The following EVI5 variants were observed in gnomAD, a reference collection of about 807,000 sequenced individuals.
EVI5 encodes ecotropic viral integration site 5 protein homolog.
A neutral mutation model predicts 112.0 loss-of-function variants in EVI5; 73 were observed. The ratio of observed to expected loss-of-function variants is 0.65; its 90% CI spans 0.54 to 0.79. EVI5 has a LOEUF of 0.79. Ranked by LOEUF, EVI5 falls within the 30% of genes least tolerant of loss-of-function variation. EVI5 has a pLI of 0.00. For synonymous variants in EVI5, 305 were observed against 319.9 expected, an observed-to-expected ratio of 0.95 and a Z score of 0.50; for missense variants, 900 against 968.8, an observed-to-expected ratio of 0.93 and a Z score of 0.94.
At chr1:92,668,778 C>T (rs992505716) in intron 10 of EVI5, among the ~76,000 whole-genome samples, 3 of 152,156 alleles carry the variant, frequency 2.0e-5, no homozygotes, top group Non-Finnish European at 2.9e-5. Flanking sequence ...GTTACTTTTA[C>T]GTTTCAAGTG....
chr1:92,767,178 T>C (rs1387437256), intron 1 of EVI5, among the ~76,000 whole-genome samples: 1 of 152,188 alleles, frequency 6.6e-6, no homozygotes, highest in Non-Finnish European at 1.5e-5. Flanking sequence ...TTGCCCAGTG[T>C]ATCCATACTG....
intron 18 of EVI5, among the ~76,000 whole-genome samples, chr1:92,594,955 A>G (rs1050271976): frequency 2.6e-5 from 4 of 152,234 alleles, no homozygotes; most frequent in Non-Finnish European, 5.9e-5. Flanking sequence ...GAACACTTGT[A>G]CACTGTTGGT....
chr1:92,677,272 A>G, intron 9 of EVI5, 54 bp from the exon 10 acceptor site: 1 of 978,214 alleles, frequency 1.0e-6, no homozygotes, highest in African/African-American at 1.7e-5. Context: ...AAAAGTAGTT[A>G]TTAAATTACA....
At chr1:92,687,620 A>G (rs1413356043) in intron 9 of EVI5, among the ~76,000 whole-genome samples, 1 of 152,236 alleles carries the variant, frequency 6.6e-6, no homozygotes, top group Non-Finnish European at 1.5e-5. Context: ...AGAATGGGAG[A>G]AAATCTTTGC....
chr1:92,733,056 TAA>T (rs777890381), intron 2 of EVI5: 6 of 177,360 alleles, frequency 3.4e-5, no homozygotes, highest in South Asian at 1.1e-4. Context: ...CCATTTTATT[TAA>T]AAAAAAAAAA....
At chr1:92,751,756 T>C (rs1680228675) in intron 1 of EVI5, among the ~76,000 whole-genome samples, 1 of 152,168 alleles carries the variant, frequency 6.6e-6, no homozygotes, top group African/African-American at 2.4e-5. Flanking sequence ...CTCCCGTCTG[T>C]AATCTCAGCA....
In EVI5 at chr1:92,596,948, C is replaced by T. The variant is rs576564905; in HGVS notation, c.2070+8359G>A. Among the ~76,000 whole-genome samples the T allele has an allele frequency of 1.7e-4, 26 of 152,094 alleles. No homozygotes were observed. The South Asian group carries it at 4.4e-3, about 26-fold the overall frequency. On this transcript the variant is annotated intron_variant, in intron 18 of 19. Transcript: ENST00000684568. ...ACATAAGGTCTACGAGCTGTTTTTCCGGATATTATGTAGGCAAGAAAGAAC... is the reference window on the plus strand; with the variant it reads ...ACATAAGGTCTACGAGCTGTTTTTCTGGATATTATGTAGGCAAGAAAGAAC...
At chr1:92,659,933 A>G (rs1182580202) in intron 13 of EVI5, among the ~76,000 whole-genome samples, 2 of 152,038 alleles carry the variant, frequency 1.3e-5, no homozygotes, top group Non-Finnish European at 1.5e-5. Flanking sequence ...TGTGTTTTGG[A>G]GCAACATGGA....
intron 10 of EVI5, among the ~76,000 whole-genome samples, chr1:92,668,727 T>C (rs548002782): frequency 6.6e-6 from 1 of 152,328 alleles, no homozygotes; most frequent in African/African-American, 2.4e-5. Flanking sequence ...ACATCAGGAA[T>C]TGATCAATAG....
chr1:92,727,365 G>A (rs913578519), intron 2 of EVI5, among the ~76,000 whole-genome samples: 2 of 152,050 alleles, frequency 1.3e-5, no homozygotes, highest in African/African-American at 4.8e-5. Flanking sequence ...ATCCATCCCT[G>A]CTAGATTTGC....
Position 92,636,267 on chromosome 1 carries a change from G to A in EVI5, c.1462C>T (p.Leu488=), listed in dbSNP as rs201168111. Residue 488 remains leucine, a synonymous_variant, in exon 14 of 20, where the codon CTG becomes TTG. Coordinates refer to ENST00000684568, the MANE Select transcript of EVI5 (RefSeq NM_001350197.2). The part of the protein sequence containing the change: ...QLEKELVQAR[L]SEAESQCALK... Reference sequence around the variant, plus strand: ...GCACACTGAGACTCAGCTTCACTCAGTCGGGCTTGGACCAATTCCTTCTCT... The same window carrying A: ...GCACACTGAGACTCAGCTTCACTCAATCGGGCTTGGACCAATTCCTTCTCT... The A allele has an allele frequency of 2.4e-5, 39 of 1,613,492 alleles. No homozygotes were observed. Among genetic ancestry groups the A allele is most frequent in the Non-Finnish European group, 3.1e-5 (37 of 1,179,606 alleles).
chr1:92,664,879 G>A (rs1229845266), intron 11 of EVI5, among the ~76,000 whole-genome samples: 2 of 152,182 alleles, frequency 1.3e-5, no homozygotes, highest in Non-Finnish European at 2.9e-5. Context: ...TGAGGGGTAT[G>A]TTTAAATCTA....
intron 3 of EVI5, chr1:92,704,039 G>A (rs1671607448): frequency 6.4e-6 from 1 of 155,870 alleles, no homozygotes; most frequent in South Asian, 2.0e-4. Context: ...AACAATTTTC[G>A]GGCCGGGTGT....
chr1:92,721,395 G>A (rs556575310), intron 2 of EVI5, among the ~76,000 whole-genome samples: 1 of 152,218 alleles, frequency 6.6e-6, no homozygotes, highest in East Asian at 1.9e-4. Context: ...GATAAAGCTG[G>A]AAACCATCAT....
chr1:92,709,416 G>A (rs1476519676), intron 2 of EVI5, among the ~76,000 whole-genome samples: 4 of 151,936 alleles, frequency 2.6e-5, no homozygotes, highest in African/African-American at 4.8e-5. Context: ...GTAAAAATTC[G>A]GTGAGAAATG....
intron 19 of EVI5, among the ~76,000 whole-genome samples, chr1:92,550,814 A>ATATTTAT (rs1299209083): frequency 9.6e-6 from 1 of 104,512 alleles, no homozygotes; most frequent in Non-Finnish European, 1.9e-5. Context: ...ATATATATAT[A>ATATTTAT]ACAAAAAAAA....
chr1:92,523,851 C>T (rs747232484), intron 19 of EVI5, among the ~76,000 whole-genome samples: 38 of 152,144 alleles, frequency 2.5e-4, no homozygotes, highest in Admixed American at 1.1e-3. Flanking sequence ...TTTGGGAGGC[C>T]GAGGCTGGTG....
chr1:92,772,645 G>GGGTGCAGTAGCCTGGGTGCAGTAGC (rs1310493217), intron 1 of EVI5, among the ~76,000 whole-genome samples: 2 of 152,256 alleles, frequency 1.3e-5, no homozygotes, highest in East Asian at 3.9e-4. Context: ...GCTCATGCCT[G>GGGTGCAGTAGCCTGGGTGCAGTAGC]TAATCCCAGC....
intron 5 of EVI5, among the ~76,000 whole-genome samples, chr1:92,700,390 T>C (rs765101000): frequency 6.6e-6 from 1 of 152,188 alleles, no homozygotes; most frequent in Non-Finnish European, 1.5e-5. Flanking sequence ...TGGGAGAATA[T>C]AGCATAAGGT....
Sources: allele counts gnomAD v4.1 joint callset (sites outside exome capture counted in the v4.1 genomes callset), GRCh38; gene constraint gnomAD v4.1.1; transcripts MANE v1.5; gene names NCBI Gene and HGNC (gene_info 2026-07-23, HGNC 2026-07-21).